MOK: variants seen among roughly 807,000 people sequenced by gnomAD.
MOK encodes MAPK/MAK/MRK overlapping kinase.
MOK carries 59 observed loss-of-function variants against 54.2 expected under a neutral mutation model. That is an observed-to-expected ratio of 1.09 (90% CI 0.88 to 1.35). The LOEUF (loss-of-function observed/expected upper bound fraction) is 1.35. Among genes scored for constraint, MOK ranks in the 40% most tolerant of loss-of-function variants. The pLI, the probability that MOK is intolerant of heterozygous loss-of-function variation, is 0.00. For synonymous variants in MOK, 210 were observed against 202.7 expected (o/e 1.04, Z -0.31); for missense variants, 517 against 526.2 (o/e 0.98, Z 0.17).
At chr14:102,250,751 C>A in intron 7 of MOK, 61 bp downstream of exon 7, 1 of 1,516,346 alleles carries the variant, frequency 6.6e-7, no homozygotes, top group Non-Finnish European at 9.0e-7. Context: ...GGAAGGAGCA[C>A]GAGCCTGGCT....
chr14:102,223,589 A>C (rs1176046327), downstream of MOK: 1 of 152,672 alleles, frequency 6.5e-6, no homozygotes, highest in Non-Finnish European at 1.5e-5. Flanking sequence ...AATTGGGGAA[A>C]ATAGTTACTT....
chr14:102,280,271 C>A (rs753526382), intron 2 of MOK, among the ~76,000 whole-genome samples: 2 of 152,022 alleles, frequency 1.3e-5, no homozygotes, highest in Non-Finnish European at 2.9e-5. Flanking sequence ...TTCAGTGGCA[C>A]AAGCACAACT....
intron 7 of MOK, among the ~76,000 whole-genome samples, chr14:102,248,140 A>AT (rs1171530463): frequency 6.6e-6 from 1 of 152,146 alleles, no homozygotes; most frequent in African/African-American, 2.4e-5. Context: ...TCTATTACCT[A>AT]TTAAAGGGCT....
intron 1 of MOK, among the ~76,000 whole-genome samples, chr14:102,300,143 G>A (rs2071997083): frequency 6.6e-6 from 1 of 151,996 alleles, no homozygotes; most frequent in Non-Finnish European, 1.5e-5. Context: ...GGCCAGCATG[G>A]TGAAACCCGA....
chr14:102,296,498 C>A (rs2071432394), intron 1 of MOK, among the ~76,000 whole-genome samples: 1 of 152,144 alleles, frequency 6.6e-6, no homozygotes, highest in Non-Finnish European at 1.5e-5. Flanking sequence ...CCAGGATTTA[C>A]TGTGGCAAAT....
chr14:102,224,711 AC>A, downstream of MOK: 1 of 456,068 alleles, frequency 2.2e-6, no homozygotes, highest in Non-Finnish European at 4.4e-6. Flanking sequence ...GACATTAGTT[AC>A]AGCTTGAGTT....
chr14:102,277,004 T>C (rs2068931719), intron 2 of MOK, among the ~76,000 whole-genome samples: 1 of 148,486 alleles, frequency 6.7e-6, no homozygotes, highest in African/African-American at 2.5e-5. Flanking sequence ...TGAGCCACTA[T>C]GCCCTGGTCT....
In MOK at chr14:102,236,863, C is replaced by A. The variant is rs903096772; in HGVS notation, c.591-3074G>T. ...GGCCAACACGTTCTTCATATAACAC[C>A]ACCATCCTCCTGGTTAAAAAATCAG... On this transcript the variant is annotated intron_variant, in intron 7 of 11. Transcript: ENST00000361847. This position sits in a 1 kb window ranked among gnomAD's most constrained non-coding sequence, Gnocchi z 4.5. Among the ~76,000 whole-genome samples the A allele has an allele frequency of 2.0e-5, 3 of 152,178 alleles. No individual in the cohort carries two copies. The East Asian group carries it at 5.8e-4, about 29-fold the overall frequency.
intron 1 of MOK, among the ~76,000 whole-genome samples, chr14:102,302,680 G>T (rs978318514): frequency 1.3e-5 from 2 of 151,824 alleles, no homozygotes; most frequent in Non-Finnish European, 1.5e-5. Flanking sequence ...CTCCCAAAGT[G>T]TTGGCATTAC....
At chr14:102,300,480 T>C (rs1597660437) in intron 1 of MOK, among the ~76,000 whole-genome samples, 1 of 151,190 alleles carries the variant, frequency 6.6e-6, no homozygotes, top group Admixed American at 6.6e-5. Flanking sequence ...GCCCAGGAGA[T>C]GGAGGCTGTC....
downstream of MOK, among the ~76,000 whole-genome samples, chr14:102,221,528 A>T (rs2063899447): frequency 6.6e-6 from 1 of 152,192 alleles, no homozygotes; most frequent in Non-Finnish European, 1.5e-5. The surrounding 1 kb of genome is among the most constrained non-coding windows in gnomAD (Gnocchi z 4.8). Context: ...GTCCTCCACA[A>T]GTACAAACAG....
At chr14:102,302,879 A>C (rs951485249) in intron 1 of MOK, among the ~76,000 whole-genome samples, 7 of 151,504 alleles carry the variant, frequency 4.6e-5, no homozygotes, top group Non-Finnish European at 8.8e-5. Context: ...TCTAAGAGGA[A>C]GGCCAGGCAC....
At position 102,245,185 on chromosome 14, in the gene MOK, CCTT is replaced by C. The variant is rs1265050778; in HGVS notation, c.590+5624_590+5626del. Among the ~76,000 whole-genome samples the C allele has an allele frequency of 6.6e-6, 1 of 151,864 alleles. No homozygotes were observed. Among genetic ancestry groups the C allele is most frequent in the African/African-American group, 2.4e-5 (1 of 41,192 alleles). On this transcript the variant is annotated intron_variant, in intron 7 of 11. Coordinates refer to ENST00000361847, the MANE Select transcript of MOK (RefSeq NM_014226.3). This position sits in a 1 kb window ranked among gnomAD's most constrained non-coding sequence, Gnocchi z 4.3. ...CCAATCATTCTATATGACAAATGCT[CCTT>C]CTAAGAACCCCACAATACCACCCAT...
intron 1 of MOK, among the ~76,000 whole-genome samples, chr14:102,287,416 G>A (rs2070250242): frequency 6.6e-6 from 1 of 152,182 alleles, no homozygotes; most frequent in Admixed American, 6.6e-5. Context: ...AGGCCAGCCT[G>A]ACCAAGATGA....
At position 102,236,835 on chromosome 14, in the gene MOK, T is replaced by G. The variant is rs571868747; in HGVS notation, c.591-3046A>C. On this transcript the variant is annotated intron_variant, in intron 7 of 11. Transcript: ENST00000361847. This position sits in a 1 kb window ranked among gnomAD's most constrained non-coding sequence, Gnocchi z 4.5. ...AACAAGCTCTGTTCACGCCGTCTTC[T>G]TAGGCCAACACGTTCTTCATATAAC... is the stretch of plus-strand genomic sequence containing the variant. Among the ~76,000 whole-genome samples the G allele has an allele frequency of 6.6e-5, 10 of 152,306 alleles. No individual in the cohort carries two copies. The South Asian group carries it at 2.1e-3, about 32-fold the overall frequency.
At chr14:102,283,447 G>A in intron 2 of MOK, 31 bp downstream of exon 2, 1 of 1,444,070 alleles carries the variant, frequency 6.9e-7, no homozygotes, top group Non-Finnish European at 9.6e-7. Context: ...TTGGATCTGT[G>A]TTTGGTCCCA....
At chr14:102,298,407 C>T (rs1452590431) in intron 1 of MOK, among the ~76,000 whole-genome samples, 2 of 152,028 alleles carry the variant, frequency 1.3e-5, no homozygotes, top group Admixed American at 6.5e-5. Flanking sequence ...TTTGTAAATA[C>T]ACCAATCAGC....
intron 1 of MOK, among the ~76,000 whole-genome samples, chr14:102,286,298 CAAAAAAAA>C (rs60479729): frequency 3.9e-5 from 1 of 25,584 alleles, no homozygotes; most frequent in Non-Finnish European, 7.8e-5. Flanking sequence ...GACTCCGTCT[CAAAAAAAA>C]AAAAAAAAAA....
At chr14:102,258,594 C>A (rs1349229944) in intron 4 of MOK, among the ~76,000 whole-genome samples, 1 of 152,194 alleles carries the variant, frequency 6.6e-6, no homozygotes, top group African/African-American at 2.4e-5. Context: ...CATGTCACTG[C>A]AAATGGGACA....
Sources: gnomAD v4.1 joint callset for allele counts (sites outside exome capture counted in the v4.1 genomes callset) on GRCh38, gnomAD v4.1.1 for gene constraint, Gnocchi (gnomAD v3.1) non-coding constraint, MANE v1.5 for transcripts, NCBI Gene and HGNC (gene_info 2026-07-23, HGNC 2026-07-21) for gene names.